The following PCNT variants were observed in gnomAD, a reference collection of about 807,000 sequenced individuals.
PCNT encodes the protein kendrin.
PCNT carries 319 observed loss-of-function variants against 380.4 expected under a neutral mutation model. That is an observed-to-expected ratio of 0.84 (90% CI 0.77 to 0.92). The LOEUF is 0.92. Ranked by LOEUF, PCNT falls within the 40% of genes least tolerant of loss-of-function variation. The pLI, the probability that PCNT is intolerant of heterozygous loss-of-function variation, is 0.00. For missense variants in PCNT, 4,400 were observed against 4,255.3 expected, an observed-to-expected ratio of 1.03 and a Z score of -0.95; for synonymous variants, 1,845 against 1,735.2, an observed-to-expected ratio of 1.06 and a Z score of -1.57.
intron 33 of PCNT, 103 bp downstream of exon 33, chr21:46,426,074 T>TTTC: frequency 2.4e-6 from 2 of 846,170 alleles, no homozygotes; most frequent in Non-Finnish European, 3.3e-6. Flanking sequence ...TCTTTCTTTT[T>TTTC]TTTTTTTTTT....
intron 37 of PCNT, 43 bp from the exon 38 acceptor site, chr21:46,431,486 C>T (rs763086639): frequency 1.9e-6 from 3 of 1,613,616 alleles, no homozygotes; most frequent in Non-Finnish European, 2.5e-6. Context: ...AGACACTTTT[C>T]CTCTTGATTC....
intron 14 of PCNT, among the ~76,000 whole-genome samples, chr21:46,365,392 CTGCCGTGGGGTTCTGA>C (rs1167347800): frequency 6.8e-6 from 1 of 147,620 alleles, no homozygotes; most frequent in African/African-American, 2.5e-5. Context: ...GTTCTGTTCA[CTGCCGTGGGGTTCTGA>C]TCACTGCCGT....
At chr21:46,353,041 T>G in intron 9 of PCNT, 63 bp from the exon 10 acceptor site, 1 of 1,381,068 alleles carries the variant, frequency 7.2e-7, no homozygotes, top group Non-Finnish European at 1.0e-6. Flanking sequence ...GGCTCTTGCC[T>G]CTCGCCTGGC....
At chr21:46,362,435 G>A (rs1321249709) in intron 13 of PCNT, among the ~76,000 whole-genome samples, 1 of 152,150 alleles carries the variant, frequency 6.6e-6, no homozygotes, top group Admixed American at 6.6e-5. Context: ...ACAGCCTTCA[G>A]GTTTTTTTGT....
At chr21:46,418,145 A>T in intron 30 of PCNT, 59 bp from the exon 31 acceptor site, 1 of 1,086,156 alleles carries the variant, frequency 9.2e-7, no homozygotes, top group South Asian at 1.3e-5. Context: ...CACCTGGCAA[A>T]GTCAGCGCTA....
intron 33 of PCNT, 99 bp from the exon 34 acceptor site, chr21:46,427,523 C>T (rs1212163663): frequency 4.4e-5 from 61 of 1,377,442 alleles, no homozygotes; most frequent in East Asian, 2.3e-4. Context: ...AATCACCTCC[C>T]GCAGGCCCCA....
In PCNT at chr21:46,355,490, C is replaced by T; in HGVS notation, c.1800C>T (p.Ser600=). 6.2e-7 allele frequency: 1 copy of T among 1,614,050 alleles called. No individual in the cohort carries two copies. The highest frequency in any genetic ancestry group is 1.1e-5 in the South Asian group (1 of 91,084). Reference sequence around the variant, plus strand: ...GCTTCCAGGCGGAGTTAGAAGAAAGCCACAGGCACCAGCTGGAAGCGCTGG... The same window carrying T: ...GCTTCCAGGCGGAGTTAGAAGAAAGTCACAGGCACCAGCTGGAAGCGCTGG... ...LPRFQAELEE[S]HRHQLEALES... The change falls in exon 12 of 47, where the codon AGC becomes AGT. Residue 600 remains serine, a synonymous_variant. Transcript: ENST00000359568.
chr21:46,435,158 G>A (rs2087914561), intron 38 of PCNT, among the ~76,000 whole-genome samples: 1 of 152,200 alleles, frequency 6.6e-6, no homozygotes, highest in South Asian at 2.1e-4. Context: ...TCTGGTCTGT[G>A]AGGGGCCTCC....
chr21:46,354,459 C>T (rs532023929), intron 11 of PCNT, among the ~76,000 whole-genome samples: 18 of 152,322 alleles, frequency 1.2e-4, no homozygotes, highest in Admixed American at 7.8e-4. Flanking sequence ...TTCCGTGCTG[C>T]GACTTCTGTC....
chr21:46,354,789 G>T (rs998106309), intron 11 of PCNT, among the ~76,000 whole-genome samples: 2 of 152,210 alleles, frequency 1.3e-5, no homozygotes, highest in African/African-American at 4.8e-5. Context: ...AGGCAGGGTG[G>T]CAGCGGGCTG....
chr21:46,352,766 T>C (rs1168636571), intron 9 of PCNT, among the ~76,000 whole-genome samples: 1 of 152,232 alleles, frequency 6.6e-6, no homozygotes, highest in Non-Finnish European at 1.5e-5. Context: ...GCCAACCTGA[T>C]GAGCCTGCTT....
intron 34 of PCNT, among the ~76,000 whole-genome samples, 172 bp downstream of exon 34, chr21:46,427,967 C>T (rs535974623): frequency 1.3e-5 from 2 of 152,330 alleles, no homozygotes; most frequent in Non-Finnish European, 2.9e-5. Context: ...CAGGATGCTG[C>T]ACTTTTCCAC....
chr21:46,421,898 C>G, intron 31 of PCNT, 72 bp from the exon 32 acceptor site: 1 of 1,553,606 alleles, frequency 6.4e-7, no homozygotes, highest in Non-Finnish European at 8.8e-7. Flanking sequence ...CCCTGTCCTG[C>G]CTCTGCAGTG....
chr21:46,437,583 C>CA (rs2053496878), intron 40 of PCNT, among the ~76,000 whole-genome samples: 2 of 152,222 alleles, frequency 1.3e-5, no homozygotes, highest in Non-Finnish European at 2.9e-5. Context: ...AGTCTGAGCT[C>CA]ACTGTAAGCT....
intron 43 of PCNT, among the ~76,000 whole-genome samples, 197 bp downstream of exon 43, chr21:46,441,281 C>T (rs2053600047): frequency 6.6e-6 from 1 of 152,224 alleles, no homozygotes. Context: ...AATCTCTCAC[C>T]TTCTAAAACT....
At position 46,357,009 on chromosome 21, in the gene PCNT, G is replaced by C; in HGVS notation, c.1972G>C (p.Gly658Arg). The C allele has an allele frequency of 6.2e-7, 1 of 1,614,204 alleles. No homozygotes were observed. Among genetic ancestry groups the C allele is most frequent in the Non-Finnish European group, 8.5e-7 (1 of 1,180,046 alleles). Residue 658 changes from glycine (G) to arginine (R), a missense_variant, in exon 13 of 47, where the codon GGG becomes CGG. Coordinates refer to ENST00000359568, the MANE Select transcript of PCNT (RefSeq NM_006031.6). ...GGTGCATCTCCAGGGTGTGCAGGAC[G>C]GGGACTTGGAGGCCGACACAGAGCG... ...PWVHLQGVQD[G>R]DLEADTERAA... is the part of the protein sequence containing the mutation.
chr21:46,408,604 A>G (rs2086688341), intron 27 of PCNT, among the ~76,000 whole-genome samples: 2 of 152,000 alleles, frequency 1.3e-5, no homozygotes, highest in South Asian at 4.2e-4. Context: ...GTAGATATGT[A>G]GTGGTATATC....
In PCNT at chr21:46,427,760, C is replaced by G. The variant is rs201185279; in HGVS notation, c.7459C>G (p.Leu2487Val). ...CTCAGATCTGGGGGGTCACAGCTCC[C>G]TGCTCGAAAGGCTGGAGAAGATCAT... Reference protein sequence around the residue: ...SGSDLGGHSSLLERLEKIIRE... With the variant: ...SGSDLGGHSSVLERLEKIIRE... Residue 2487 changes from leucine to valine, a missense_variant, in exon 34 of 47, where the codon CTG (leucine) becomes GTG (valine). Transcript: ENST00000359568. 176 of 1,613,744 alleles carry G rather than the reference C, an allele frequency of 1.1e-4. 1 individual carries two copies. In the East Asian group the frequency reaches 3.7e-3, roughly 34 times the overall value.
At chr21:46,377,576 C>T (rs1027164819) in intron 15 of PCNT, among the ~76,000 whole-genome samples, 15 of 152,042 alleles carry the variant, frequency 9.9e-5, no homozygotes, top group Non-Finnish European at 8.8e-5. Context: ...ATTTCATCAC[C>T]TCAAAAAGAA....
Sources: gnomAD v4.1 joint callset for allele counts (sites outside exome capture counted in the v4.1 genomes callset) on GRCh38, gnomAD v4.1.1 for gene constraint, MANE v1.5 for transcripts, NCBI Gene and HGNC (gene_info 2026-07-23, HGNC 2026-07-21) for gene names.